NRG3: variants seen among roughly 807,000 people sequenced by gnomAD.
NRG3 encodes the protein pro-neuregulin-3, membrane-bound isoform.
In NRG3, 31 loss-of-function variants were observed where a neutral mutation model predicts 66.9. The ratio of observed to expected loss-of-function variants is 0.46; its 90% CI spans 0.35 to 0.63. The LOEUF (loss-of-function observed/expected upper bound fraction) is 0.63, where lower values mean the gene tolerates loss of function less well. Ranked by LOEUF, NRG3 falls within the 20% of genes least tolerant of loss-of-function variation. NRG3 has a pLI of 0.00. For synonymous variants in NRG3, 393 were observed against 359.4 expected, an observed-to-expected ratio of 1.09 and a Z score of -1.06; for missense variants, 910 against 878.9, an observed-to-expected ratio of 1.04 and a Z score of -0.45.
chr10:81,917,324 T>G lies in NRG3; in HGVS notation c.823+41161T>G, dbSNP rs1037468715. Among the ~76,000 whole-genome samples, 8 of 152,210 alleles carry G rather than the reference T, an allele frequency of 5.3e-5. No homozygotes were observed. The South Asian group carries it at 8.3e-4, about 16-fold the overall frequency. On this transcript the variant is annotated intron_variant, in intron 1 of 8. Transcript: ENST00000372141. ...ACACATCTCTTGGTGCATAATAACC[T>G]TCTCTTTTGATTATAGTTATACATG...
chr10:82,456,403 G>A (rs557013651), intron 2 of NRG3, among the ~76,000 whole-genome samples: 48 of 152,106 alleles, frequency 3.2e-4, no homozygotes, highest in Admixed American at 9.8e-4. Flanking sequence ...CTAAGCTCAA[G>A]CAATCCTCCC....
At chr10:82,718,096 T>C (rs1311170590) in intron 2 of NRG3, among the ~76,000 whole-genome samples, 1 of 151,928 alleles carries the variant, frequency 6.6e-6, no homozygotes, top group Non-Finnish European at 1.5e-5. Flanking sequence ...AAAATAAAAA[T>C]AAAGAGGACG....
intron 2 of NRG3, among the ~76,000 whole-genome samples, chr10:82,473,943 G>C (rs533716507): frequency 6.6e-6 from 1 of 152,126 alleles, no homozygotes; most frequent in East Asian, 1.9e-4. Context: ...CAGAGGAGAA[G>C]TAGGGGTGTG....
intron 1 of NRG3, among the ~76,000 whole-genome samples, chr10:81,945,443 G>C (rs189682655): frequency 6.6e-6 from 1 of 152,192 alleles, no homozygotes; most frequent in East Asian, 1.9e-4. Context: ...ATAACACTGA[G>C]TTACATTTTG....
At chr10:82,893,415 C>T (rs915460767) in intron 4 of NRG3, among the ~76,000 whole-genome samples, 4 of 152,156 alleles carry the variant, frequency 2.6e-5, no homozygotes, top group African/African-American at 4.8e-5. Context: ...GTGGGCCAGG[C>T]GCGGTGGCTC....
chr10:82,356,912 G>A (rs1307923970), intron 1 of NRG3, among the ~76,000 whole-genome samples: 1 of 152,266 alleles, frequency 6.6e-6, no homozygotes, highest in East Asian at 1.9e-4. Flanking sequence ...AGAGATCAGA[G>A]ATTTTGGAGA....
intron 1 of NRG3, among the ~76,000 whole-genome samples, chr10:82,258,397 T>A (rs531192733): frequency 1.3e-5 from 2 of 152,172 alleles, no homozygotes; most frequent in Non-Finnish European, 2.9e-5. Context: ...GCCAGAGATA[T>A]GGCATACAAA....
intron 1 of NRG3, among the ~76,000 whole-genome samples, chr10:82,349,573 T>C (rs1219631286): frequency 2.6e-5 from 4 of 152,018 alleles, no homozygotes; most frequent in Non-Finnish European, 5.9e-5. Context: ...CAGGCCTCCT[T>C]GAGCTGTGGT....
chr10:82,681,096 G>A (rs990203744), intron 2 of NRG3, among the ~76,000 whole-genome samples: 3 of 152,160 alleles, frequency 2.0e-5, no homozygotes, highest in African/African-American at 4.8e-5. Flanking sequence ...TTGGGGCATC[G>A]CTCATGGTTG....
intron 3 of NRG3, among the ~76,000 whole-genome samples, chr10:82,830,022 C>T (rs189047612): frequency 2.6e-5 from 4 of 152,176 alleles, no homozygotes; most frequent in East Asian, 3.9e-4. Flanking sequence ...AGCTGAGTTC[C>T]GTATCTTCTC....
intron 2 of NRG3, among the ~76,000 whole-genome samples, chr10:82,665,843 T>A (rs1335254662): frequency 6.6e-6 from 1 of 152,152 alleles, no homozygotes; most frequent in Non-Finnish European, 1.5e-5. Flanking sequence ...TCTACTAGCT[T>A]TGCTCCAATT....
chr10:82,983,505 T>C (rs529331561), intron 8 of NRG3, among the ~76,000 whole-genome samples: 26 of 152,316 alleles, frequency 1.7e-4, no homozygotes, highest in African/African-American at 6.3e-4. Context: ...AGTCGTTCAT[T>C]AGCAACCTCT....
At chr10:82,446,095 T>C (rs2090706542) in intron 2 of NRG3, among the ~76,000 whole-genome samples, 1 of 152,216 alleles carries the variant, frequency 6.6e-6, no homozygotes, top group South Asian at 2.1e-4. Flanking sequence ...TATTTGTTCA[T>C]GACCCAGCTT....
At chr10:82,221,686 A>G (rs1402147508) in intron 1 of NRG3, among the ~76,000 whole-genome samples, 1 of 152,188 alleles carries the variant, frequency 6.6e-6, no homozygotes, top group Non-Finnish European at 1.5e-5. Context: ...AGAAAATAAA[A>G]CAAGTGATTT....
intron 2 of NRG3, among the ~76,000 whole-genome samples, chr10:82,534,065 A>C (rs1293756193): frequency 1.3e-5 from 2 of 152,178 alleles, no homozygotes; most frequent in Non-Finnish European, 2.9e-5. Context: ...AAACTTAACT[A>C]AGAAGGTAAA....
intron 3 of NRG3, among the ~76,000 whole-genome samples, chr10:82,771,640 A>T (rs2059715132): frequency 6.6e-6 from 1 of 152,182 alleles, no homozygotes; most frequent in Non-Finnish European, 1.5e-5. Flanking sequence ...TTAATTATTC[A>T]TTCAACACTT....
intron 1 of NRG3, among the ~76,000 whole-genome samples, chr10:82,015,275 C>A (rs1267287153): frequency 6.6e-6 from 1 of 152,106 alleles, no homozygotes; most frequent in Admixed American, 6.6e-5. Flanking sequence ...TGAAAGCAAA[C>A]CTTTGGAACA....
intron 1 of NRG3, among the ~76,000 whole-genome samples, chr10:82,039,757 C>T (rs983289674): frequency 6.6e-6 from 1 of 152,028 alleles, no homozygotes. Flanking sequence ...TTTAGGAAGA[C>T]TGGAAAATAA....
intron 1 of NRG3, among the ~76,000 whole-genome samples, chr10:82,203,384 G>A (rs570146228): frequency 6.6e-6 from 1 of 152,272 alleles, no homozygotes; most frequent in South Asian, 2.1e-4. Context: ...ATTCAGCTTG[G>A]TTTGAGTTTG....
Sources: gnomAD v4.1 joint callset for allele counts (sites outside exome capture counted in the v4.1 genomes callset) on GRCh38, gnomAD v4.1.1 for gene constraint, MANE v1.5 for transcripts, NCBI Gene and HGNC (gene_info 2026-07-23, HGNC 2026-07-21) for gene names.